The following CREBBP variants were observed in gnomAD, a reference collection of about 807,000 sequenced individuals.
The protein encoded by CREBBP is CREB binding lysine acetyltransferase.
A neutral mutation model predicts 265.0 loss-of-function variants in CREBBP; 19 were observed. The observed-to-expected ratio is 0.07, with a 90% CI of 0.05 to 0.11. The LOEUF is 0.11. Among genes scored for constraint, CREBBP ranks in the 10% least tolerant of loss-of-function variants. CREBBP has a pLI of 1.00. For missense variants in CREBBP, 2,525 were observed against 3,219.0 expected (o/e 0.78, Z 5.22); for synonymous variants, 1,457 against 1,223.7 (o/e 1.19, Z -3.98).
intron 1 of CREBBP, among the ~76,000 whole-genome samples, chr16:3,871,040 A>C (rs1195817454): frequency 1.3e-5 from 2 of 151,664 alleles, no homozygotes; most frequent in African/African-American, 4.9e-5. Flanking sequence ...GAAGGAAGGA[A>C]AAGAAAGAAA....
chr16:3,771,008 T>C (rs1355880869), intron 13 of CREBBP, 22 bp from the exon 14 acceptor site: 3 of 1,612,026 alleles, frequency 1.9e-6, no homozygotes, highest in Non-Finnish European at 2.5e-6. Context: ...GGACAGAGTA[T>C]GGTAAAATTA....
intron 23 of CREBBP, chr16:3,743,769 A>G (rs1185639921): frequency 6.6e-6 from 1 of 152,066 alleles, no homozygotes; most frequent in Admixed American, 6.6e-5. Context: ...TTTGATAACA[A>G]TGCAATGTGG....
At chr16:3,734,083 T>C (rs2051988773) in intron 28 of CREBBP, among the ~76,000 whole-genome samples, 1 of 152,204 alleles carries the variant, frequency 6.6e-6, no homozygotes, top group African/African-American at 2.4e-5. Flanking sequence ...CTGGGCACAT[T>C]TGTCTCCGTG....
chr16:3,841,726 T>C (rs2054570313), intron 2 of CREBBP, among the ~76,000 whole-genome samples: 2 of 152,334 alleles, frequency 1.3e-5, no homozygotes, highest in East Asian at 3.9e-4. Context: ...AACTTGGTTC[T>C]ATTAATTCTT....
intron 28 of CREBBP, among the ~76,000 whole-genome samples, chr16:3,735,404 C>T (rs2052029135): frequency 1.3e-5 from 2 of 152,166 alleles, no homozygotes; most frequent in South Asian, 2.1e-4. Context: ...TCAAGCGATT[C>T]TCCTGCCTCA....
intron 2 of CREBBP, among the ~76,000 whole-genome samples, chr16:3,832,108 T>G (rs955698428): frequency 1.3e-5 from 2 of 151,810 alleles, no homozygotes; most frequent in African/African-American, 4.8e-5. Flanking sequence ...AAAATACAAA[T>G]TACCAAAATT....
chr16:3,803,289 G>A (rs1203428678), intron 3 of CREBBP, among the ~76,000 whole-genome samples: 2 of 90,494 alleles, frequency 2.2e-5, no homozygotes, highest in Non-Finnish European at 4.3e-5. Context: ...GGTGGATCAC[G>A]AGGTCAGGAG....
chr16:3,760,560 G>A (rs1221855419), intron 16 of CREBBP, among the ~76,000 whole-genome samples: 1 of 150,296 alleles, frequency 6.7e-6, no homozygotes, highest in Non-Finnish European at 1.5e-5. Context: ...CCACCACCAC[G>A]CCCAGCTGAT....
rs2052942083 is a variant in CREBBP, at chr16:3,769,336, G to A, written c.2898C>T (p.Ala966=). 1 of 1,614,188 alleles carries A rather than the reference G, an allele frequency of 6.2e-7. No homozygotes were observed. Among genetic ancestry groups the A allele is most frequent in the Non-Finnish European group, 8.5e-7 (1 of 1,180,038 alleles). ...PPGTPLSQAA[A]SIDNRVPTPS... ...GGGTAGGGACTCTGTTATCAATGCTGGCTGCTGCCTGGGAAAGCTGTGAAA... is the reference window on the plus strand; with the variant it reads ...GGGTAGGGACTCTGTTATCAATGCTAGCTGCTGCCTGGGAAAGCTGTGAAA... The change falls in exon 15 of 31, where the codon GCC becomes GCT. Residue 966 remains alanine, a synonymous_variant. Transcript: ENST00000262367.
intron 3 of CREBBP, among the ~76,000 whole-genome samples, chr16:3,807,484 G>C (rs2053853211): frequency 6.6e-6 from 1 of 152,092 alleles, no homozygotes; most frequent in Non-Finnish European, 1.5e-5. Context: ...AAAGTCTGTG[G>C]GTTTTGAGGC....
chr16:3,732,130 C>A (rs2051934662), intron 28 of CREBBP, among the ~76,000 whole-genome samples, 193 bp from the exon 29 acceptor site: 1 of 152,184 alleles, frequency 6.6e-6, no homozygotes. Flanking sequence ...CTGTCCTCGG[C>A]CAGGCTGGTG....
At chr16:3,769,656 G>C (rs1423241498) in intron 14 of CREBBP, among the ~76,000 whole-genome samples, 1 of 152,154 alleles carries the variant, frequency 6.6e-6, no homozygotes, top group African/African-American at 2.4e-5. Context: ...CTCATATTTT[G>C]AAATTAATTC....
chr16:3,785,915 C>G (rs1458992058), intron 5 of CREBBP, among the ~76,000 whole-genome samples: 1 of 152,204 alleles, frequency 6.6e-6, no homozygotes, highest in Non-Finnish European at 1.5e-5. Flanking sequence ...CTCTTTAAAG[C>G]TCCCCAACAT....
At chr16:3,807,277 G>A (rs545054859) in intron 3 of CREBBP, among the ~76,000 whole-genome samples, 45 of 152,298 alleles carry the variant, frequency 3.0e-4, no homozygotes, top group African/African-American at 4.8e-4. Flanking sequence ...CCAAGACCAC[G>A]TGGCTAAATC....
rs746213804 is a variant in CREBBP at position 3,850,531 on chromosome 16, G to A, written c.564C>T (p.Leu188=). 4 of 1,614,250 alleles carry A rather than the reference G, an allele frequency of 2.5e-6. No individual in the cohort carries two copies. The highest frequency in any genetic ancestry group is 3.4e-6 in the Non-Finnish European group (4 of 1,180,044). ...NANFNQTHPG[L]LNSNSGHSLI... ...AGCTATGGCCAGAGTTACTATTGAG[G>A]AGGCCTGGGTGGGTCTGGTTAAAGT... is the stretch of plus-strand genomic sequence containing the variant. The change falls in exon 2 of 31, where the codon CTC becomes CTT. Residue 188 remains leucine, a synonymous_variant. Coordinates refer to ENST00000262367, the MANE Select transcript of CREBBP (RefSeq NM_004380.3).
chr16:3,773,061 G>A (rs2053053374), intron 13 of CREBBP, among the ~76,000 whole-genome samples: 1 of 151,884 alleles, frequency 6.6e-6, no homozygotes, highest in African/African-American at 2.4e-5. Context: ...ACTCCAGTCT[G>A]GGCAACAAAA....
At chr16:3,873,764 T>C (rs1170866764) in intron 1 of CREBBP, among the ~76,000 whole-genome samples, 2 of 152,166 alleles carry the variant, frequency 1.3e-5, no homozygotes, top group Non-Finnish European at 2.9e-5. Flanking sequence ...CCAGCTGGTT[T>C]GGTGGCCGGG....
rs2141237397 is a variant in CREBBP at position 3,778,733 on chromosome 16, C to T, written c.1908G>A (p.Val636=). 1.2e-6 allele frequency: 2 copies of T among 1,614,130 alleles called. No homozygotes were observed. Among genetic ancestry groups the T allele is most frequent in the Non-Finnish European group, 1.7e-6 (2 of 1,179,966 alleles). The change falls in exon 9 of 31, where the codon GTG becomes GTA. Residue 636 remains valine (V), a synonymous_variant. Coordinates refer to ENST00000262367, the MANE Select transcript of CREBBP (RefSeq NM_004380.3). ...MENLVAYAKK[V]EGDMYESANS... is the part of the protein sequence containing the mutation. ...TGGCAGACTCGTACATGTCCCCTTC[C>T]ACTTTCTTAGCATAGGCTACCAGGT...
chr16:3,793,598 A>C lies in CREBBP; in HGVS notation c.1004T>G (p.Val335Gly). The C allele has an allele frequency of 6.2e-7, 1 of 1,613,538 alleles. No homozygotes were observed. The highest frequency in any genetic ancestry group is 8.5e-7 in the Non-Finnish European group (1 of 1,180,036). Residue 335 changes from valine to glycine, a missense_variant, in exon 4 of 31, where the codon GTA (valine) becomes GGA (glycine). Val to Gly is a moderately radical substitution (Grantham distance 109, BLOSUM62 -3). This residue lies in a region of CREBBP where 126 missense variants were observed against 171.9 expected (regional missense o/e 0.73). Transcript: ENST00000262367. ...MSQMQTSVGI[V>G]PTQAIATGPT... Reference sequence around the variant, plus strand: ...GCCTGTTGCAATTGCTTGTGTGGGTACAATTCCCACTGATGTTTGCATCTG... The same window carrying C: ...GCCTGTTGCAATTGCTTGTGTGGGTCCAATTCCCACTGATGTTTGCATCTG...
Sources: gnomAD v4.1 joint callset for allele counts (sites outside exome capture counted in the v4.1 genomes callset) on GRCh38, gnomAD v4.1.1 for gene constraint, gnomAD v4.1.1 regional missense constraint, MANE v1.5 for transcripts, NCBI Gene and HGNC (gene_info 2026-07-23, HGNC 2026-07-21) for gene names.